The following GRM7 variants were observed in gnomAD, a reference collection of about 807,000 sequenced individuals.
GRM7 encodes metabotropic glutamate receptor 7.
In GRM7, 35 loss-of-function variants were observed where a neutral mutation model predicts 84.5. The observed-to-expected ratio is 0.41, with a 90% CI of 0.32 to 0.55. The LOEUF (loss-of-function observed/expected upper bound fraction) is 0.55, where lower values mean the gene tolerates loss of function less well. Ranked by LOEUF, GRM7 falls within the 20% of genes least tolerant of loss-of-function variation. The pLI is 0.19. For synonymous variants in GRM7, 487 were observed against 455.1 expected (o/e 1.07, Z -0.89); for missense variants, 1,003 against 1,194.6 (o/e 0.84, Z 2.36).
intron 4 of GRM7, among the ~76,000 whole-genome samples, chr3:7,408,593 G>T (rs1195015804): frequency 6.6e-6 from 1 of 152,068 alleles, no homozygotes; most frequent in Non-Finnish European, 1.5e-5. Context: ...AGTTAATATT[G>T]ATAGGAACTG....
intron 9 of GRM7, chr3:7,694,533 C>A: frequency 5.1e-6 from 1 of 195,456 alleles, no homozygotes; most frequent in Non-Finnish European, 9.3e-6. Flanking sequence ...AACACATCTC[C>A]TGTCTTGTCT....
intron 5 of GRM7, among the ~76,000 whole-genome samples, chr3:7,424,220 A>G (rs1017244135): frequency 6.6e-6 from 1 of 151,898 alleles, no homozygotes; most frequent in Middle Eastern, 3.2e-3. Context: ...AGGGCGCTCA[A>G]CCGGTTTAGG....
intron 4 of GRM7, among the ~76,000 whole-genome samples, chr3:7,361,704 A>T (rs954059436): frequency 1.3e-5 from 2 of 152,124 alleles, no homozygotes; most frequent in African/African-American, 2.4e-5. Flanking sequence ...AATTATATAG[A>T]AAATATATGG....
At chr3:7,043,750 A>G (rs763628660) in intron 1 of GRM7, among the ~76,000 whole-genome samples, 1 of 152,196 alleles carries the variant, frequency 6.6e-6, no homozygotes, top group Non-Finnish European at 1.5e-5. Flanking sequence ...TTGTGCATCA[A>G]TTTTTAAAAA....
At chr3:7,049,440 G>C (rs539819310) in intron 1 of GRM7, among the ~76,000 whole-genome samples, 4 of 151,998 alleles carry the variant, frequency 2.6e-5, no homozygotes, top group Admixed American at 2.0e-4. Flanking sequence ...ACTACCATGA[G>C]AGCAGTATAA....
chr3:7,370,128 T>C (rs7647087), intron 4 of GRM7, among the ~76,000 whole-genome samples: 58,004 of 151,974 alleles, frequency 0.38, 11,546 homozygotes, highest in East Asian at 0.57. Context: ...ATAAAAATTT[T>C]CAATTAGCTT....
At chr3:7,482,105 G>A (rs760368187) in intron 7 of GRM7, among the ~76,000 whole-genome samples, 4 of 152,066 alleles carry the variant, frequency 2.6e-5, no homozygotes, top group South Asian at 2.1e-4. Flanking sequence ...GGAGAATGGC[G>A]TGAACCCAGG....
At chr3:7,229,759 A>ATATATATATATATTT (rs1434216248) in intron 2 of GRM7, among the ~76,000 whole-genome samples, 1 of 30,430 alleles carries the variant, frequency 3.3e-5, no homozygotes, top group African/African-American at 1.3e-4. Context: ...ATATATATAT[A>ATATATATATATATTT]TTTTTTTTTT....
chr3:7,411,805 G>A (rs1237601973), intron 4 of GRM7, among the ~76,000 whole-genome samples: 1 of 152,110 alleles, frequency 6.6e-6, no homozygotes, highest in Non-Finnish European at 1.5e-5. Context: ...TTTCTCTAGT[G>A]CATGTACCTA....
chr3:7,224,779 C>A (rs1696928553), intron 2 of GRM7, among the ~76,000 whole-genome samples: 1 of 152,102 alleles, frequency 6.6e-6, no homozygotes, highest in African/African-American at 2.4e-5. Flanking sequence ...TAAAGACTGA[C>A]AGAATTGTGG....
intron 2 of GRM7, among the ~76,000 whole-genome samples, chr3:7,215,214 G>A (rs1393369330): frequency 1.3e-5 from 2 of 152,056 alleles, no homozygotes; most frequent in Non-Finnish European, 2.9e-5. Context: ...TATCATTTCC[G>A]ATCATTACAA....
chr3:7,022,787 G>T (rs1204779136), intron 1 of GRM7, among the ~76,000 whole-genome samples: 1 of 152,116 alleles, frequency 6.6e-6, no homozygotes, highest in Non-Finnish European at 1.5e-5. Flanking sequence ...TGTTGCAGGG[G>T]TGAAGGAAAA....
intron 7 of GRM7, among the ~76,000 whole-genome samples, chr3:7,545,427 T>G (rs1028719857): frequency 6.6e-6 from 1 of 152,212 alleles, no homozygotes; most frequent in Non-Finnish European, 1.5e-5. Context: ...GAAGGAGACA[T>G]GATACCTTTG....
intron 1 of GRM7, among the ~76,000 whole-genome samples, chr3:7,139,001 AT>A (rs1158313733): frequency 6.7e-6 from 1 of 148,678 alleles, no homozygotes; most frequent in Non-Finnish European, 1.5e-5. Context: ...CCTTTACTAT[AT>A]TTTTTTAGTT....
intron 1 of GRM7, among the ~76,000 whole-genome samples, chr3:7,135,371 A>G (rs529724936): frequency 1.3e-5 from 2 of 152,322 alleles, no homozygotes; most frequent in South Asian, 4.1e-4. Context: ...CTAACTGTGA[A>G]CTTAATAATG....
At chr3:7,050,323 A>G (rs1157943679) in intron 1 of GRM7, among the ~76,000 whole-genome samples, 5 of 151,896 alleles carry the variant, frequency 3.3e-5, no homozygotes, top group Non-Finnish European at 7.4e-5. Context: ...CCAACTGTTC[A>G]GTGTCAACTT....
chr3:7,447,258 T>C (rs114637978), intron 5 of GRM7, among the ~76,000 whole-genome samples: 1,776 of 152,328 alleles, frequency 0.012, 27 homozygotes, highest in African/African-American at 0.04. Context: ...GAACGTCCTG[T>C]TAATGAAGAA....
chr3:7,566,103 GTTTTTTTTTTTTT>G (rs58178956), intron 7 of GRM7, among the ~76,000 whole-genome samples: 59 of 130,004 alleles, frequency 4.5e-4, no homozygotes, highest in Middle Eastern at 8.2e-3. Flanking sequence ...TGAATCAGCT[GTTTTTTTTTTTTT>G]TTTTTTTTTT....
At chr3:7,356,920 TCACACA>T (rs34481316) in intron 4 of GRM7, among the ~76,000 whole-genome samples, 2,012 of 131,262 alleles carry the variant, frequency 0.015, 25 homozygotes, top group African/African-American at 0.022. Flanking sequence ...GCCTTTTTGA[TCACACA>T]CACACACACA....
Sources: gnomAD v4.1 joint callset for allele counts (sites outside exome capture counted in the v4.1 genomes callset) on GRCh38, gnomAD v4.1.1 for gene constraint, MANE v1.5 for transcripts, NCBI Gene and HGNC (gene_info 2026-07-23, HGNC 2026-07-21) for gene names.